TYW5: variants seen among roughly 807,000 people sequenced by gnomAD.
The protein encoded by TYW5 is tRNA-yW synthesizing protein 5.
Under a neutral mutation model 44.4 loss-of-function variants are expected in TYW5, and 36 were observed. The observed-to-expected ratio is 0.81, with a 90% CI of 0.62 to 1.07. TYW5 has a LOEUF of 1.07. Among genes scored for constraint, TYW5 ranks in the 50% least tolerant of loss-of-function variants. The pLI is 0.00. For missense variants in TYW5, 354 were observed against 365.7 expected (o/e 0.97, Z 0.26); for synonymous variants, 121 against 128.1 (o/e 0.94, Z 0.37).
chr2:199,953,165 A>T (rs1181603201), intron 1 of TYW5, among the ~76,000 whole-genome samples: 1 of 152,192 alleles, frequency 6.6e-6, no homozygotes, highest in East Asian at 1.9e-4. Flanking sequence ...CTACTAAAAA[A>T]TACAAAAATT....
intron 1 of TYW5, among the ~76,000 whole-genome samples, chr2:199,949,773 A>AT (rs1339957851): frequency 1.3e-5 from 2 of 152,080 alleles, no homozygotes; most frequent in Non-Finnish European, 2.9e-5. Flanking sequence ...AAAAACAGTG[A>AT]TTTTTCTAAA....
At chr2:199,955,203 T>C (rs1316847265) in intron 1 of TYW5, 190 bp downstream of exon 1, 1 of 576,148 alleles carries the variant, frequency 1.7e-6, no homozygotes, top group East Asian at 2.9e-5. Context: ...CTCCGGAAAT[T>C]TCAATAGAGG....
At chr2:199,935,885 GTACA>G in intron 7 of TYW5, 42 bp downstream of exon 7, 1 of 1,221,194 alleles carries the variant, frequency 8.2e-7, no homozygotes, top group Non-Finnish European at 1.2e-6. Context: ...GAGTGACAGA[GTACA>G]CATTTTATAA....
chr2:199,943,732 A>G (rs16832081), intron 3 of TYW5, 33 bp downstream of exon 3: 234,927 of 1,532,128 alleles, frequency 0.15, 19,834 homozygotes, highest in Middle Eastern at 0.23. Flanking sequence ...ATAGATATTA[A>G]TGCCTTCTTT....
rs1157284432 is a variant in TYW5, at chr2:199,929,914, T to C, written c.*3153A>G. The C allele has an allele frequency of 6.6e-6, 1 of 150,956 alleles. No homozygotes were observed. The highest frequency in any genetic ancestry group is 1.5e-5 in the Non-Finnish European group (1 of 67,920). 9.4% of individuals were successfully genotyped at this position (150,956 alleles called of 1,614,324 possible). On this transcript the variant is annotated 3_prime_UTR_variant, in exon 8 of 8. Transcript: ENST00000354611. ...TTCAAGCACTCCTCCTGCCTCAGCC[T>C]CCCAAGATGCTGGGACTACAGGTGT...
At chr2:199,936,763 G>C (rs999417560) in intron 5 of TYW5, among the ~76,000 whole-genome samples, 1 of 152,166 alleles carries the variant, frequency 6.6e-6, no homozygotes, top group Non-Finnish European at 1.5e-5. Flanking sequence ...ACCATTAACT[G>C]ACAGCATAGT....
chr2:199,933,954 CTAAT>C (rs1159357839), intron 7 of TYW5, among the ~76,000 whole-genome samples: 5 of 151,858 alleles, frequency 3.3e-5, no homozygotes, highest in Admixed American at 2.6e-4. Context: ...TATTATATAC[CTAAT>C]TAATTTTTTT....
At chr2:199,948,677 AAAAAC>A (rs1201386078) in intron 1 of TYW5, among the ~76,000 whole-genome samples, 1 of 152,230 alleles carries the variant, frequency 6.6e-6, no homozygotes, top group Non-Finnish European at 1.5e-5. Flanking sequence ...TTAAGATTAG[AAAAAC>A]AAAACAAAAC....
chr2:199,943,001 C>A (rs1328087547), intron 3 of TYW5: 1 of 152,094 alleles, frequency 6.6e-6, no homozygotes, highest in African/African-American at 2.4e-5. Context: ...GGATTACAGG[C>A]ATGCACCATC....
chr2:199,952,290 C>G (rs2105714368), intron 1 of TYW5, among the ~76,000 whole-genome samples: 1 of 152,176 alleles, frequency 6.6e-6, no homozygotes, highest in East Asian at 1.9e-4. Flanking sequence ...TTAGATATGC[C>G]AACAGAGTTG....
intron 2 of TYW5, chr2:199,947,901 G>C (rs949835240): frequency 5.9e-6 from 1 of 168,474 alleles, no homozygotes; most frequent in East Asian, 1.8e-4. Flanking sequence ...AGACCAGCCC[G>C]GCCAACATGG....
At chr2:199,955,270 T>A in intron 1 of TYW5, 123 bp downstream of exon 1, 1 of 1,118,382 alleles carries the variant, frequency 8.9e-7, no homozygotes, top group Non-Finnish European at 1.3e-6. Context: ...ACCAGTGATC[T>A]GCTGCCGTCC....
At chr2:199,945,542 A>C (rs898706290) in intron 2 of TYW5, 2 of 152,168 alleles carry the variant, frequency 1.3e-5, no homozygotes, top group African/African-American at 4.8e-5. Context: ...GCATTCTCCT[A>C]CTCAGTGTTT....
In TYW5 at chr2:199,931,381, A is replaced by G. The variant is rs922629486; in HGVS notation, c.*1686T>C. ...TTATTAATACTTCCAAGTTTTCTACATGACTCTGGATTTATACTTTGTATC... is the reference window on the plus strand; with the variant it reads ...TTATTAATACTTCCAAGTTTTCTACGTGACTCTGGATTTATACTTTGTATC... On this transcript the variant is annotated 3_prime_UTR_variant, in exon 8 of 8. Coordinates refer to ENST00000354611, the MANE Select transcript of TYW5 (RefSeq NM_001039693.3). 3.9e-5 allele frequency: 6 copies of G among 152,196 alleles called. No homozygotes were observed. Among genetic ancestry groups the G allele is most frequent in the African/African-American group, 1.4e-4 (6 of 41,456 alleles). The allele number at this position is 152,196 out of a possible 1,614,324, so 9.4% of individuals were successfully genotyped here.
chr2:199,934,736 G>T (rs552902273), intron 7 of TYW5, among the ~76,000 whole-genome samples: 1 of 152,032 alleles, frequency 6.6e-6, no homozygotes, highest in African/African-American at 2.4e-5. Context: ...ACTATAAATA[G>T]AATTTGTTAA....
chr2:199,939,995 T>C, intron 4 of TYW5, 94 bp downstream of exon 4: 1 of 1,151,014 alleles, frequency 8.7e-7, no homozygotes, highest in Non-Finnish European at 1.3e-6. Context: ...ACAGGGAATA[T>C]GTCAGGCAGT....
At chr2:199,938,459 C>A (rs534449544) in intron 5 of TYW5, among the ~76,000 whole-genome samples, 2 of 152,276 alleles carry the variant, frequency 1.3e-5, no homozygotes, top group South Asian at 4.1e-4. Flanking sequence ...CTTCAGATAT[C>A]CCCAAATTCT....
rs2077364875 is a variant in TYW5 at position 199,930,185 on chromosome 2, C to T, written c.*2882G>A. The T allele has an allele frequency of 6.6e-6, 1 of 152,138 alleles. No individual in the cohort carries two copies. The highest frequency in any genetic ancestry group is 2.4e-5 in the African/African-American group (1 of 41,376). The allele number at this position is 152,138 out of a possible 1,614,324, so 9.4% of individuals were successfully genotyped here. A position where few individuals can be genotyped will look rare whatever the true frequency, so the allele number is the denominator to read the frequency against. On this transcript the variant is annotated 3_prime_UTR_variant, in exon 8 of 8. Coordinates refer to ENST00000354611, the MANE Select transcript of TYW5 (RefSeq NM_001039693.3). ...AGAGACAAGGTTTCGCCATGTTGCC[C>T]AGGCTGGTCTCGAACTCCTGAGTTC...
intron 2 of TYW5, chr2:199,946,493 G>A (rs2077504973): frequency 6.6e-6 from 1 of 152,314 alleles, no homozygotes; most frequent in Admixed American, 6.5e-5. Flanking sequence ...AAAAATCTAT[G>A]ATCAGAAGAA....
Sources: allele counts gnomAD v4.1 joint callset (sites outside exome capture counted in the v4.1 genomes callset), GRCh38; gene constraint gnomAD v4.1.1; transcripts MANE v1.5; gene names NCBI Gene and HGNC (gene_info 2026-07-23, HGNC 2026-07-21).